The following NRP1 variants were observed in gnomAD, a reference collection of about 807,000 sequenced individuals.
The protein encoded by NRP1 is neuropilin 1, also known as neuropilin-1.
A neutral mutation model predicts 106.7 loss-of-function variants in NRP1; 35 were observed. That is an observed-to-expected ratio of 0.33 (90% CI 0.25 to 0.43). The LOEUF is 0.43. Among genes scored for constraint, NRP1 ranks in the 20% least tolerant of loss-of-function variants. NRP1 has a pLI of 1.00. For missense variants in NRP1, 1,024 were observed against 1,170.4 expected (o/e 0.87, Z 1.83); for synonymous variants, 437 against 417.9 (o/e 1.05, Z -0.56).
intron 12 of NRP1, among the ~76,000 whole-genome samples, chr10:33,195,208 T>C (rs1456511880): frequency 2.0e-5 from 3 of 152,176 alleles, no homozygotes; most frequent in African/African-American, 7.2e-5. Flanking sequence ...CACTTGTTCA[T>C]AGACTAGTCT....
At chr10:33,228,902 C>T (rs1190949265) in intron 6 of NRP1, among the ~76,000 whole-genome samples, 1 of 152,156 alleles carries the variant, frequency 6.6e-6, no homozygotes, top group Non-Finnish European at 1.5e-5. Context: ...ATTTTACCAA[C>T]ATATTCTTAT....
intron 11 of NRP1, among the ~76,000 whole-genome samples, chr10:33,200,605 C>T (rs897464602): frequency 2.6e-5 from 4 of 152,198 alleles, no homozygotes; most frequent in South Asian, 2.1e-4. Context: ...AAAGCAATAA[C>T]GCTCTTGGTT....
At chr10:33,329,044 A>G (rs1848088092) in intron 2 of NRP1, among the ~76,000 whole-genome samples, 1 of 152,228 alleles carries the variant, frequency 6.6e-6, no homozygotes, top group African/African-American at 2.4e-5. Context: ...AACTACTGCT[A>G]CTACTAATGA....
intron 4 of NRP1, among the ~76,000 whole-genome samples, chr10:33,258,044 C>T (rs778500190): frequency 6.6e-6 from 1 of 152,158 alleles, no homozygotes; most frequent in Non-Finnish European, 1.5e-5. Flanking sequence ...CCAGTGTGTG[C>T]AGTTTGGATG....
intron 9 of NRP1, among the ~76,000 whole-genome samples, chr10:33,208,188 A>G: frequency 6.6e-6 from 1 of 152,168 alleles, no homozygotes; most frequent in Admixed American, 6.5e-5. Context: ...TGCCTCCCAA[A>G]GTGCTGGGAT....
intron 9 of NRP1, chr10:33,212,121 C>T (rs901658784): frequency 6.6e-6 from 1 of 152,158 alleles, no homozygotes; most frequent in African/African-American, 2.4e-5. Flanking sequence ...AATTATACCA[C>T]GGGTTTTGGT....
chr10:33,269,207 C>G (rs1358530215), intron 3 of NRP1, among the ~76,000 whole-genome samples: 1 of 152,190 alleles, frequency 6.6e-6, no homozygotes, highest in Non-Finnish European at 1.5e-5. Flanking sequence ...ATTTCACACA[C>G]AAAAGGAATT....
intron 2 of NRP1, among the ~76,000 whole-genome samples, chr10:33,304,928 C>A (rs1411853470): frequency 6.6e-6 from 1 of 152,248 alleles, no homozygotes; most frequent in Non-Finnish European, 1.5e-5. Flanking sequence ...AGCATCCATG[C>A]AACCAGATTG....
chr10:33,182,618 G>T, intron 16 of NRP1, 80 bp downstream of exon 16: 1 of 954,676 alleles, frequency 1.0e-6, no homozygotes, highest in Non-Finnish European at 1.7e-6. Context: ...CAGTGTATTA[G>T]AGTTCCACAA....
At chr10:33,270,223 C>T (rs1843206659) in intron 3 of NRP1, among the ~76,000 whole-genome samples, 1 of 151,982 alleles carries the variant, frequency 6.6e-6, no homozygotes, top group South Asian at 2.1e-4. Flanking sequence ...TAAAGTACTT[C>T]CCTACATTTT....
At chr10:33,314,346 T>C (rs946878837) in intron 2 of NRP1, among the ~76,000 whole-genome samples, 2 of 152,234 alleles carry the variant, frequency 1.3e-5, no homozygotes, top group Non-Finnish European at 2.9e-5. Context: ...CCCAAAGTAT[T>C]GGGATTACAG....
At chr10:33,303,334 C>G (rs1301632875) in intron 2 of NRP1, among the ~76,000 whole-genome samples, 1 of 152,152 alleles carries the variant, frequency 6.6e-6, no homozygotes, top group Non-Finnish European at 1.5e-5. Flanking sequence ...GAATTCTTAT[C>G]GTAGATTTCT....
Position 33,283,145 on chromosome 10 carries a change from G to A in NRP1, c.249-12289C>T, listed in dbSNP as rs1264320281. On this transcript the variant is annotated intron_variant, in intron 2 of 16. Coordinates refer to ENST00000374867, the MANE Select transcript of NRP1 (RefSeq NM_003873.7). ...TGAAGTACAAACTGCTAAGATAACC[G>A]CAACCAAGAAATATGAATCTTTTAG... Among the ~76,000 whole-genome samples, 6 of 152,090 alleles carry A rather than the reference G, an allele frequency of 3.9e-5. No homozygotes were observed. In the South Asian group the frequency reaches 6.2e-4, roughly 16 times the overall value.
In NRP1 at chr10:33,237,759, G is replaced by A. The variant is rs145297011; in HGVS notation, c.982-11470C>T. Among the ~76,000 whole-genome samples, 1,505 of 151,746 alleles carry A rather than the reference G, an allele frequency of 9.9e-3. 14 individuals are homozygous for A. Among genetic ancestry groups the A allele is most frequent in the Non-Finnish European group, 0.016 (1,056 of 67,890 alleles). The stretch of plus-strand genomic sequence containing the variant: ...GTATTTTTAATGGAGATGGGGTTGT[G>A]TCCTGTTGGCCAGGCAGTTCTCCTG... On this transcript the variant is annotated intron_variant, in intron 6 of 16. Coordinates refer to ENST00000374867, the MANE Select transcript of NRP1 (RefSeq NM_003873.7).
At chr10:33,334,246 G>T (rs2133000965) in intron 1 of NRP1, 64 bp downstream of exon 1, 2 of 1,461,456 alleles carry the variant, frequency 1.4e-6, no homozygotes, top group South Asian at 1.2e-5. Flanking sequence ...CCTGAGCCCC[G>T]GTCCGGGGCG....
chr10:33,309,593 C>T (rs1029475562), intron 2 of NRP1, among the ~76,000 whole-genome samples: 1 of 152,214 alleles, frequency 6.6e-6, no homozygotes, highest in Non-Finnish European at 1.5e-5. Flanking sequence ...GCACCTGACA[C>T]TGTGAACAAT....
chr10:33,286,310 C>T (rs556968201), intron 2 of NRP1, among the ~76,000 whole-genome samples: 8 of 152,254 alleles, frequency 5.3e-5, no homozygotes, highest in Non-Finnish European at 1.0e-4. Context: ...CTCTGCAAAA[C>T]GTGTGGGAAG....
intron 2 of NRP1, among the ~76,000 whole-genome samples, chr10:33,299,685 C>T (rs1845665095): frequency 6.6e-6 from 1 of 152,174 alleles, no homozygotes; most frequent in Non-Finnish European, 1.5e-5. Flanking sequence ...ACTGAAGAGT[C>T]TGAAGCAGGA....
intron 2 of NRP1, among the ~76,000 whole-genome samples, chr10:33,290,962 C>T (rs1331326): frequency 0.62 from 93,577 of 151,922 alleles, 29,220 homozygotes; most frequent in East Asian, 0.68. Context: ...CTCTTTCTTC[C>T]AGCCCTGCGT....
Sources: allele counts gnomAD v4.1 joint callset (sites outside exome capture counted in the v4.1 genomes callset), GRCh38; gene constraint gnomAD v4.1.1; transcripts MANE v1.5; gene names NCBI Gene and HGNC (gene_info 2026-07-23, HGNC 2026-07-21).